QTMAN: variants seen among roughly 807,000 people sequenced by gnomAD.
QTMAN encodes the protein tRNA-queuosine alpha-mannosyltransferase.
At chr2:144,032,186 T>A in the QTMAN span, among the ~76,000 whole-genome samples, 6,781 of 152,258 alleles carry the variant, frequency 0.045, 268 homozygotes, top group East Asian at 0.18. Flanking sequence ...TGGGTTCAAA[T>A]CCTAACCTTA....
the QTMAN span, among the ~76,000 whole-genome samples, chr2:144,154,025 C>T: frequency 6.6e-6 from 1 of 152,176 alleles, no homozygotes; most frequent in African/African-American, 2.4e-5. Flanking sequence ...TACTTTTTCA[C>T]TTACTCCACA....
At chr2:144,144,184 T>C in the QTMAN span, among the ~76,000 whole-genome samples, 435 of 152,050 alleles carry the variant, frequency 2.9e-3, 4 homozygotes, top group African/African-American at 9.9e-3. Context: ...TGAGGAGGAA[T>C]CGAGAGCTGA....
At chr2:144,101,115 G>A in the QTMAN span, among the ~76,000 whole-genome samples, 6 of 151,982 alleles carry the variant, frequency 3.9e-5, no homozygotes, top group South Asian at 2.1e-4. Flanking sequence ...TGATCCGCCC[G>A]CCTTGGCCTC....
At chr2:144,154,389 G>A in the QTMAN span, among the ~76,000 whole-genome samples, 48 of 152,276 alleles carry the variant, frequency 3.2e-4, 1 homozygote, top group South Asian at 9.9e-3. Flanking sequence ...TGAAAGAAAT[G>A]TCCGGCTTGG....
the QTMAN span, among the ~76,000 whole-genome samples, chr2:144,220,303 TTAAA>T: frequency 6.6e-6 from 1 of 152,178 alleles, no homozygotes; most frequent in African/African-American, 2.4e-5. Flanking sequence ...ATTGAAACTA[TTAAA>T]TAAAGAAAAG....
the QTMAN span, among the ~76,000 whole-genome samples, chr2:144,295,718 T>G: frequency 6.6e-6 from 1 of 152,066 alleles, no homozygotes; most frequent in Non-Finnish European, 1.5e-5. Flanking sequence ...GCTCAACTAA[T>G]CCTCCCACCT....
the QTMAN span, among the ~76,000 whole-genome samples, chr2:144,197,703 C>G: frequency 5.3e-5 from 8 of 152,198 alleles, no homozygotes; most frequent in South Asian, 1.7e-3. Context: ...ATCCATATTG[C>G]TAGTTCCTTT....
chr2:144,207,879 T>A, the QTMAN span, among the ~76,000 whole-genome samples: 1 of 151,872 alleles, frequency 6.6e-6, no homozygotes, highest in Non-Finnish European at 1.5e-5. Flanking sequence ...TTATTAGGGA[T>A]GGGGGTCTCA....
the QTMAN span, among the ~76,000 whole-genome samples, chr2:144,217,615 T>A: frequency 6.6e-6 from 1 of 152,140 alleles, no homozygotes; most frequent in Non-Finnish European, 1.5e-5. Flanking sequence ...TTTGTTAGAA[T>A]CTCTTGGGAT....
At chr2:144,274,201 GA>G in the QTMAN span, among the ~76,000 whole-genome samples, 60 of 152,252 alleles carry the variant, frequency 3.9e-4, no homozygotes, top group East Asian at 8.1e-3. Flanking sequence ...GAGCCCTTGT[GA>G]TTTCCTAAGC....
the QTMAN span, among the ~76,000 whole-genome samples, chr2:144,196,215 A>ACACACC: frequency 5.4e-5 from 2 of 37,274 alleles, no homozygotes; most frequent in African/African-American, 4.8e-4. Flanking sequence ...ACACATAGCC[A>ACACACC]CACACACACA....
the QTMAN span, among the ~76,000 whole-genome samples, chr2:144,020,972 C>T: frequency 1.4e-5 from 2 of 146,144 alleles, no homozygotes; most frequent in African/African-American, 2.5e-5. Flanking sequence ...TTGTAGAAAG[C>T]AGAACAAAAA....
At chr2:144,125,393 T>C in the QTMAN span, among the ~76,000 whole-genome samples, 5,990 of 152,170 alleles carry the variant, frequency 0.039, 166 homozygotes, top group East Asian at 0.081. Context: ...GTTAGCCTTA[T>C]GTCCTGGATA....
the QTMAN span, among the ~76,000 whole-genome samples, chr2:144,253,071 C>T: frequency 6.6e-6 from 1 of 152,088 alleles, no homozygotes; most frequent in Non-Finnish European, 1.5e-5. Context: ...TGGGAGTGGT[C>T]ACCCCCATGC....
the QTMAN span, among the ~76,000 whole-genome samples, chr2:144,019,102 C>T: frequency 3.9e-5 from 6 of 152,086 alleles, no homozygotes; most frequent in East Asian, 1.9e-4. Context: ...AAGATGAGGC[C>T]TGAAAAATAA....
chr2:144,019,405 G>C, the QTMAN span, among the ~76,000 whole-genome samples: 4 of 147,878 alleles, frequency 2.7e-5, no homozygotes, highest in African/African-American at 9.9e-5. Flanking sequence ...GAGCAGAGAG[G>C]GGGAGGCAGA....
chr2:144,074,708 C>G, the QTMAN span, among the ~76,000 whole-genome samples: 1 of 152,268 alleles, frequency 6.6e-6, no homozygotes, highest in Admixed American at 6.5e-5. Context: ...CACACGCAGA[C>G]AGTTAGTAAC....
chr2:144,273,277 C>T, the QTMAN span, among the ~76,000 whole-genome samples: 1 of 151,948 alleles, frequency 6.6e-6, no homozygotes, highest in South Asian at 2.1e-4. Flanking sequence ...AATGCATTCT[C>T]TTTTTTTTCT....
chr2:144,325,666 C>T, the QTMAN span, among the ~76,000 whole-genome samples: 1 of 152,070 alleles, frequency 6.6e-6, no homozygotes, highest in Admixed American at 6.6e-5. Flanking sequence ...TTTACCTCAA[C>T]ATAATTAGTA....
Sources: gnomAD v4.1 joint callset for allele counts (sites outside exome capture counted in the v4.1 genomes callset) on GRCh38, gnomAD v4.1.1 for gene constraint, MANE v1.5 for transcripts, NCBI Gene and HGNC (gene_info 2026-07-23, HGNC 2026-07-21) for gene names.